The following ROS1 variants were observed in gnomAD, a reference collection of about 807,000 sequenced individuals.
The protein encoded by ROS1 is ROS proto-oncogene 1, receptor tyrosine kinase.
In ROS1, 263 loss-of-function variants were observed where a neutral mutation model predicts 273.5. The ratio of observed to expected loss-of-function variants is 0.96; its 90% CI spans 0.87 to 1.06. The LOEUF (loss-of-function observed/expected upper bound fraction) is 1.06. Ranked by LOEUF, ROS1 falls within the 50% of genes least tolerant of loss-of-function variation. ROS1 has a pLI of 0.00. For synonymous variants in ROS1, 1,008 were observed against 954.1 expected (o/e 1.06, Z -1.04); for missense variants, 2,833 against 2,751.1 (o/e 1.03, Z -0.67).
Position 117,326,344 on chromosome 6 carries a change from T to A in ROS1, c.5419A>T (p.Ser1807Cys), listed in dbSNP as rs2128582097. ...TTTTTGGACTTCCATGTGCAAACAC[T>A]ACTGCAGGATCCATTAAATGTCATC... ...WKMTFNGSCS[S>C]VCTWKSKNLK... The change falls in exon 34 of 44, where the codon AGT becomes TGT. Residue 1807 changes from serine (S) to cysteine (C), a missense_variant. By Grantham distance (112) the Ser-to-Cys change is moderately radical. Coordinates refer to ENST00000368507, the MANE Select transcript of ROS1 (RefSeq NM_001378902.1). The A allele has an allele frequency of 1.3e-6, 2 of 1,594,510 alleles. No homozygotes were observed. Among genetic ancestry groups the A allele is most frequent in the Non-Finnish European group, 1.7e-6 (2 of 1,173,732 alleles).
intron 7 of ROS1, among the ~76,000 whole-genome samples, chr6:117,398,249 G>A (rs1315927233): frequency 4.0e-5 from 6 of 151,116 alleles, no homozygotes; most frequent in African/African-American, 7.4e-5. Context: ...GGCAAGATGC[G>A]ATCATTGTCC....
At chr6:117,343,003 T>C (rs2128624616) in intron 28 of ROS1, among the ~76,000 whole-genome samples, 1 of 152,196 alleles carries the variant, frequency 6.6e-6, no homozygotes, top group Admixed American at 6.6e-5. Context: ...TCTGGGAAGT[T>C]TTAAGAAACT....
chr6:117,405,878 A>T (rs771708094), intron 5 of ROS1, among the ~76,000 whole-genome samples: 2 of 152,160 alleles, frequency 1.3e-5, no homozygotes, highest in Non-Finnish European at 2.9e-5. Context: ...TTTGTGCCTC[A>T]ATTTTCTCAC....
chr6:117,324,869 G>C (rs1026751460), intron 34 of ROS1, among the ~76,000 whole-genome samples: 1 of 151,946 alleles, frequency 6.6e-6, no homozygotes, highest in African/African-American at 2.4e-5. Context: ...CAAACACGTA[G>C]GCCAGAGTCT....
At chr6:117,375,488 C>T (rs1354064005) in intron 18 of ROS1, among the ~76,000 whole-genome samples, 2 of 152,176 alleles carry the variant, frequency 1.3e-5, no homozygotes, top group African/African-American at 4.8e-5. Context: ...GGGTAATATG[C>T]TTGTTACCTG....
Position 117,425,637 on chromosome 6 carries a change from A to C in ROS1, c.20T>G (p.Leu7Arg). Residue 7 changes from leucine to arginine, a missense_variant, in exon 1 of 44, where the codon CTT becomes CGT. Physicochemically the swap from Leu to Arg is moderately radical, Grantham distance 102. Coordinates refer to ENST00000368507, the MANE Select transcript of ROS1 (RefSeq NM_001378902.1). ...TGCAAAATTGACAAGCTTCGGAATA[A>C]GACAGTAAATGTTCTTCATCACTTC... MKNIYC[L>R]IPKLVNFATL... 1 of 1,612,018 alleles carries C rather than the reference A, an allele frequency of 6.2e-7. No homozygotes were observed. The highest frequency in any genetic ancestry group is 2.2e-5 in the East Asian group (1 of 44,808).
In ROS1 at chr6:117,425,774, G is replaced by A. The variant is rs188580957; in HGVS notation, c.-118C>T. 1,489 of 1,114,050 alleles carry A rather than the reference G, an allele frequency of 1.3e-3. 2 individuals are homozygous for A. The highest frequency in any genetic ancestry group is 1.2e-3 in the Non-Finnish European group (939 of 761,648). The allele number at this position is 1,114,050 out of a possible 1,614,324, so 69.0% of individuals were successfully genotyped here. On this transcript the variant is annotated 5_prime_UTR_variant, in exon 1 of 44. An upstream open reading frame in the 5' UTR gains an earlier in-frame stop. Transcript: ENST00000368507. ...GTAGCTGATGGATTTTGCTTTGTTTGTTTTGCTATATTAGGATATACTTGC... is the reference window on the plus strand; with the variant it reads ...GTAGCTGATGGATTTTGCTTTGTTTATTTTGCTATATTAGGATATACTTGC...
chr6:117,367,177 G>A (rs561010487), intron 18 of ROS1, among the ~76,000 whole-genome samples: 4 of 152,126 alleles, frequency 2.6e-5, no homozygotes, highest in African/African-American at 7.2e-5. Flanking sequence ...GTTAGCCTAC[G>A]GATGTGAAGC....
chr6:117,411,846 TAGA>T (rs1363986961), intron 4 of ROS1, among the ~76,000 whole-genome samples: 1 of 152,172 alleles, frequency 6.6e-6, no homozygotes, highest in South Asian at 2.1e-4. Context: ...GGACTTCCCT[TAGA>T]AGGAGGTAGA....
chr6:117,319,778 G>C, intron 37 of ROS1, 90 bp downstream of exon 37: 1 of 1,180,084 alleles, frequency 8.5e-7, no homozygotes, highest in Non-Finnish European at 1.2e-6. Flanking sequence ...TTTCAACAAA[G>C]AGCACTCAAC....
intron 9 of ROS1, 36 bp downstream of exon 9, chr6:117,396,152 T>C (rs1773466934): frequency 3.8e-6 from 6 of 1,566,974 alleles, no homozygotes; most frequent in Non-Finnish European, 4.4e-6. Context: ...GCCACCCTCA[T>C]TCCTGTGTAG....
chr6:117,397,196 GTTT>G (rs199816916), intron 7 of ROS1, 80 bp from the exon 8 acceptor site: 9 of 727,246 alleles, frequency 1.2e-5, no homozygotes, highest in Non-Finnish European at 1.9e-5. Context: ...AAAAAGTCTT[GTTT>G]TTTTTTTTGA....
intron 43 of ROS1, among the ~76,000 whole-genome samples, chr6:117,292,815 T>TGCCA (rs1168775924): frequency 6.6e-6 from 1 of 152,228 alleles, no homozygotes. Context: ...CGCACTTAGT[T>TGCCA]GCCAAGTCCG....
At position 117,393,210 on chromosome 6, in the gene ROS1, A is replaced by G; in HGVS notation, c.1289+14T>C. The G allele has an allele frequency of 3.6e-6, 5 of 1,405,828 alleles. No individual in the cohort carries two copies. The South Asian group carries it at 4.7e-5, about 13-fold the overall frequency. 87.1% of individuals were successfully genotyped at this position (1,405,828 alleles called of 1,614,324 possible). A position where few individuals can be genotyped will look rare whatever the true frequency, so the allele number is the denominator to read the frequency against. On this transcript the variant is annotated intron_variant, in intron 12 of 43. Coordinates refer to ENST00000368507, the MANE Select transcript of ROS1 (RefSeq NM_001378902.1). ...CAATGGAAGAGAATTCATCTTTACA[A>G]GGCTAACACATACCCATTGTATGAA...
chr6:117,394,873 C>T, intron 9 of ROS1, 135 bp from the exon 10 acceptor site: 1 of 640,804 alleles, frequency 1.6e-6, no homozygotes, highest in Non-Finnish European at 2.5e-6. Context: ...TCTCTAATGG[C>T]ACTGGAGAAT....
intron 22 of ROS1, among the ~76,000 whole-genome samples, chr6:117,362,041 A>G (rs575238132): frequency 2.0e-5 from 3 of 152,198 alleles, no homozygotes; most frequent in Non-Finnish European, 4.4e-5. Flanking sequence ...TATAATATAT[A>G]TCAATAAAAA....
intron 4 of ROS1, among the ~76,000 whole-genome samples, chr6:117,410,072 AC>A (rs1461084512): frequency 6.6e-6 from 1 of 152,218 alleles, no homozygotes; most frequent in Non-Finnish European, 1.5e-5. Context: ...AATAATCACC[AC>A]AATCTAATTT....
In ROS1 at chr6:117,288,348, G is replaced by A. The variant is rs1297790913; in HGVS notation, c.*144C>T. The A allele has an allele frequency of 2.3e-5, 18 of 787,454 alleles. No homozygotes were observed. Among genetic ancestry groups the A allele is most frequent in the Non-Finnish European group, 3.4e-5 (17 of 505,586 alleles). The allele number at this position is 787,454 out of a possible 1,614,324, so 48.8% of individuals were successfully genotyped here. On this transcript the variant is annotated 3_prime_UTR_variant, in exon 44 of 44. Coordinates refer to ENST00000368507, the MANE Select transcript of ROS1 (RefSeq NM_001378902.1). ...TACAACTGAAACCAAATGGCTCTCA[G>A]AACCAAGATTAGAAATCAGGAACGT...
Position 117,337,299 on chromosome 6 carries a change from G to C in ROS1, c.5103C>G (p.Ser1701Arg), listed in dbSNP as rs1777554857. 6.2e-7 allele frequency: 1 copy of C among 1,611,414 alleles called. No homozygotes were observed. The highest frequency in any genetic ancestry group is 1.3e-5 in the African/African-American group (1 of 74,732). Residue 1701 changes from serine to arginine, a missense_variant, in exon 32 of 44, where the codon AGC becomes AGG. Transcript: ENST00000368507. ...NEFYHVKTSC[S>R]QGPAYVCNIT... ...TATTACAGACATAAGCAGGACCTTG[G>C]CTGCATGAAGTTTTAACATGGTAAA...
Sources: gnomAD v4.1 joint callset for allele counts (sites outside exome capture counted in the v4.1 genomes callset) on GRCh38, gnomAD v4.1.1 for gene constraint, MANE v1.5 for transcripts, NCBI Gene and HGNC (gene_info 2026-07-23, HGNC 2026-07-21) for gene names.